CALN1: variants seen among roughly 807,000 people sequenced by gnomAD.
CALN1 encodes calneuron 1, also known as calcium-binding protein 8.
In CALN1, 17 loss-of-function variants were observed where a neutral mutation model predicts 30.6. That is an observed-to-expected ratio of 0.56 (90% CI 0.38 to 0.83). The LOEUF is 0.83. Ranked by LOEUF, CALN1 falls within the 40% of genes least tolerant of loss-of-function variation. The pLI, the probability that CALN1 is intolerant of heterozygous loss-of-function variation, is 0.00. For synonymous variants in CALN1, 156 were observed against 131.4 expected (o/e 1.19, Z -1.28); for missense variants, 291 against 354.9 (o/e 0.82, Z 1.45).
At chr7:72,435,539 A>G (rs1351416029) in intron 1 of CALN1, among the ~76,000 whole-genome samples, 1 of 152,148 alleles carries the variant, frequency 6.6e-6, no homozygotes, top group Non-Finnish European at 1.5e-5. Flanking sequence ...TGGGACCACA[A>G]TTGCAGCCCC....
chr7:72,303,384 G>A (rs1799427410), intron 2 of CALN1, among the ~76,000 whole-genome samples: 1 of 151,976 alleles, frequency 6.6e-6, no homozygotes, highest in African/African-American at 2.4e-5. Context: ...CCAACATGGA[G>A]AAACCCTGTC....
intron 5 of CALN1, among the ~76,000 whole-genome samples, chr7:71,843,987 TG>T (rs1404280928): frequency 2.0e-5 from 3 of 152,118 alleles, no homozygotes; most frequent in Non-Finnish European, 4.4e-5. Flanking sequence ...ACTCAGGAAT[TG>T]ATCTCGGTGA....
intron 3 of CALN1, among the ~76,000 whole-genome samples, chr7:72,244,464 G>C (rs781761680): frequency 3.9e-5 from 6 of 151,948 alleles, no homozygotes; most frequent in Non-Finnish European, 8.8e-5. Flanking sequence ...TCCAGTAGAG[G>C]AACTAAAATA....
At chr7:72,286,660 G>A (rs148135049) in intron 2 of CALN1, among the ~76,000 whole-genome samples, 64 of 152,304 alleles carry the variant, frequency 4.2e-4, no homozygotes, top group African/African-American at 1.5e-3. Context: ...AAACAGTTTT[G>A]TTCCCCTGTT....
At chr7:72,259,538 T>C (rs1287663029) in intron 3 of CALN1, among the ~76,000 whole-genome samples, 1 of 152,140 alleles carries the variant, frequency 6.6e-6, no homozygotes, top group Non-Finnish European at 1.5e-5. Context: ...TGGTAGTTAA[T>C]TAAGAGTATG....
At chr7:72,300,694 G>A (rs573699270) in intron 2 of CALN1, among the ~76,000 whole-genome samples, 15 of 152,204 alleles carry the variant, frequency 9.9e-5, no homozygotes, top group African/African-American at 3.6e-4. Flanking sequence ...AACTGTATTT[G>A]TCTAATTATA....
At chr7:72,366,148 TTTTTA>T (rs1031288026) in intron 2 of CALN1, among the ~76,000 whole-genome samples, 8 of 73,020 alleles carry the variant, frequency 1.1e-4, no homozygotes, top group South Asian at 5.7e-4. Context: ...TTTTTTATCT[TTTTTA>T]TTTTATTTTT....
At position 72,432,603 on chromosome 7, in the gene CALN1, G is replaced by A. The variant is rs1042710526; in HGVS notation, c.-226+14439C>T. Among the ~76,000 whole-genome samples the A allele has an allele frequency of 2.6e-5, 4 of 152,028 alleles. 1 individual carries two copies. Among genetic ancestry groups the A allele is most frequent in the African/African-American group, 4.8e-5 (2 of 41,434 alleles). ...TTCCTGGCTCCATCCTTGCCTTCCC[G>A]GACTGCTTTTCCCTTTGTCTTGTTT... is the stretch of plus-strand genomic sequence containing the variant. On this transcript the variant is annotated intron_variant, in intron 1 of 6. Coordinates refer to the CALN1 transcript ENST00000395276.
At chr7:72,079,873 T>C (rs933327548) in intron 4 of CALN1, among the ~76,000 whole-genome samples, 4 of 147,294 alleles carry the variant, frequency 2.7e-5, no homozygotes, top group Non-Finnish European at 4.5e-5. Flanking sequence ...TGGGTTCAAA[T>C]GATTCTCCTG....
chr7:72,369,357 T>TAC (rs376563382), intron 2 of CALN1, among the ~76,000 whole-genome samples: 20 of 127,096 alleles, frequency 1.6e-4, no homozygotes, highest in African/African-American at 5.7e-4. Context: ...AATATTTATT[T>TAC]TTTTGTTGTT....
intron 1 of CALN1, among the ~76,000 whole-genome samples, chr7:72,426,121 G>T (rs1807793126): frequency 6.6e-6 from 1 of 152,208 alleles, no homozygotes; most frequent in Admixed American, 6.5e-5. Flanking sequence ...AGAATGCATT[G>T]TCCAGACTTG....
At chr7:71,825,728 G>A (rs1174368192) in intron 5 of CALN1, among the ~76,000 whole-genome samples, 4 of 151,944 alleles carry the variant, frequency 2.6e-5, no homozygotes, top group Admixed American at 2.6e-4. Flanking sequence ...TTGAGAAAAT[G>A]CAACGTTCAA....
chr7:72,361,243 C>T (rs1006254567), intron 2 of CALN1, among the ~76,000 whole-genome samples: 5 of 152,190 alleles, frequency 3.3e-5, no homozygotes, highest in African/African-American at 1.2e-4. Context: ...TTCCCCAGAT[C>T]CAAAGGCCAA....
chr7:71,949,742 C>T (rs2129523862), intron 5 of CALN1, among the ~76,000 whole-genome samples: 1 of 152,056 alleles, frequency 6.6e-6, no homozygotes, highest in African/African-American at 2.4e-5. Flanking sequence ...ATGCCTGGGC[C>T]TGCTCCCAAC....
At chr7:71,863,495 T>C (rs1791411851) in intron 5 of CALN1, among the ~76,000 whole-genome samples, 2 of 136,498 alleles carry the variant, frequency 1.5e-5, no homozygotes, top group South Asian at 4.5e-4. Context: ...GAGGCAGGGA[T>C]TACGGTGAGC....
intron 2 of CALN1, among the ~76,000 whole-genome samples, chr7:72,322,387 ACCT>A (rs1800947053): frequency 6.6e-6 from 1 of 152,050 alleles, no homozygotes; most frequent in Non-Finnish European, 1.5e-5. Flanking sequence ...CCCACCGCTC[ACCT>A]CCTTCTGGGT....
At chr7:72,014,996 A>C (rs1357386847) in intron 5 of CALN1, among the ~76,000 whole-genome samples, 1 of 152,140 alleles carries the variant, frequency 6.6e-6, no homozygotes, top group Admixed American at 6.5e-5. Context: ...ATAATCTAAT[A>C]GTATAAGTTA....
intron 2 of CALN1, among the ~76,000 whole-genome samples, chr7:72,337,419 C>T (rs1585531990): frequency 1.6e-4 from 3 of 18,532 alleles, no homozygotes; most frequent in Non-Finnish European, 3.9e-4. Context: ...CTCACACTCG[C>T]GCGCACACAC....
Position 72,123,720 on chromosome 7 carries a change from G to A in CALN1, c.245-17426C>T, listed in dbSNP as rs17144345. ...GCTGCATTATTTTTCAGTCCATTTG[G>A]CCTTCCTGATAATTGATAAAGAGCT... On this transcript the variant is annotated intron_variant, in intron 3 of 6. Transcript: ENST00000395275. Among the ~76,000 whole-genome samples the A allele has an allele frequency of 6.5e-4, 99 of 152,202 alleles. 1 individual carries two copies. The East Asian group carries it at 0.019, about 29-fold the overall frequency.
Sources: allele counts gnomAD v4.1 joint callset (sites outside exome capture counted in the v4.1 genomes callset), GRCh38; gene constraint gnomAD v4.1.1; transcripts MANE v1.5; gene names NCBI Gene and HGNC (gene_info 2026-07-23, HGNC 2026-07-21).